TRIML1: variants seen among roughly 807,000 people sequenced by gnomAD.
The protein encoded by TRIML1 is probable E3 ubiquitin-protein ligase TRIML1.
TRIML1 carries 34 observed loss-of-function variants against 32.3 expected under a neutral mutation model. The observed-to-expected ratio is 1.05, with a 90% CI of 0.80 to 1.40. The LOEUF is 1.40. Among genes scored for constraint, TRIML1 ranks in the 40% most tolerant of loss-of-function variants. The pLI is 0.00. For synonymous variants in TRIML1, 244 were observed against 226.6 expected, an observed-to-expected ratio of 1.08 and a Z score of -0.69; for missense variants, 595 against 574.9, an observed-to-expected ratio of 1.03 and a Z score of -0.36.
upstream of TRIML1, among the ~76,000 whole-genome samples, chr4:188,137,439 A>G (rs1734691856): frequency 6.9e-6 from 1 of 145,400 alleles, no homozygotes; most frequent in African/African-American, 2.6e-5. Context: ...AGTAGCTGGG[A>G]TTACAGGCGT....
intron 5 of TRIML1, 63 bp downstream of exon 5, chr4:188,144,196 C>G (rs1444254867): frequency 7.2e-7 from 1 of 1,396,224 alleles, no homozygotes. Context: ...ATACCTTCTT[C>G]CAGTGTCAGA....
intron 5 of TRIML1, among the ~76,000 whole-genome samples, chr4:188,146,420 T>C (rs993561883): frequency 2.6e-5 from 4 of 152,190 alleles, no homozygotes; most frequent in Non-Finnish European, 4.4e-5. Flanking sequence ...CAAATACTGT[T>C]TTTTTCTGAA....
chr4:188,150,705 G>A (rs917172739), downstream of TRIML1, among the ~76,000 whole-genome samples: 3 of 151,474 alleles, frequency 2.0e-5, no homozygotes, highest in African/African-American at 4.9e-5. Context: ...TTTTCCTTTG[G>A]CAAAATCATC....
At chr4:188,145,390 A>C (rs1315026273) in intron 5 of TRIML1, among the ~76,000 whole-genome samples, 2 of 141,956 alleles carry the variant, frequency 1.4e-5, no homozygotes, top group East Asian at 2.4e-4. Context: ...TGCAGTGAGC[A>C]GAGATGGCGC....
intron 5 of TRIML1, among the ~76,000 whole-genome samples, chr4:188,144,463 C>G (rs1053508391): frequency 1.4e-5 from 2 of 147,484 alleles, no homozygotes; most frequent in Non-Finnish European, 3.0e-5. Context: ...CCCGGGTTCA[C>G]GCCATTCTCC....
chr4:188,148,572 C>T (rs986554934), downstream of TRIML1, among the ~76,000 whole-genome samples: 97 of 152,152 alleles, frequency 6.4e-4, 1 homozygote, highest in African/African-American at 2.3e-3. Flanking sequence ...CTGCATTAGG[C>T]TCGCTGTCTT....
In TRIML1 at chr4:188,139,914, G is replaced by T. The variant is rs767847324; in HGVS notation, c.356G>T (p.Ser119Ile). The T allele has an allele frequency of 6.2e-7, 1 of 1,613,746 alleles. No individual in the cohort carries two copies. Among genetic ancestry groups the T allele is most frequent in the Admixed American group, 1.7e-5 (1 of 60,010 alleles). The change falls in exon 1 of 6, where the codon AGC becomes ATC. Residue 119 changes from serine to isoleucine, a missense_variant. Coordinates refer to ENST00000332517, the MANE Select transcript of TRIML1 (RefSeq NM_178556.5). Reference protein sequence around the residue: ...EQGGSAFVAQSHGANRVHLSS... With the variant: ...EQGGSAFVAQIHGANRVHLSS... The stretch of plus-strand genomic sequence containing the variant: ...GGTGGAAGCGCCTTCGTAGCCCAGA[G>T]CCATGGTGCAAACAGAGTGCATCTC...
downstream of TRIML1, among the ~76,000 whole-genome samples, chr4:188,149,454 AT>A (rs1735195264): frequency 1.3e-5 from 2 of 152,024 alleles, no homozygotes; most frequent in South Asian, 4.1e-4. Flanking sequence ...GAAATTAATA[AT>A]TCAACCTGTT....
chr4:188,139,533 C>G lies in TRIML1; in HGVS notation c.-26C>G, dbSNP rs370269484. 5 of 1,547,814 alleles carry G rather than the reference C, an allele frequency of 3.2e-6. No homozygotes were observed. The African/African-American group carries it at 6.8e-5, about 21-fold the overall frequency. On this transcript the variant is annotated 5_prime_UTR_variant, in exon 1 of 6. Transcript: ENST00000332517. ...GCTAATCCCAGAACAGAGGTGTAAC[C>G]TGGCTGCATATCCAGCCTCGAGAAA...
rs776176918 is a variant in TRIML1, at chr4:188,147,093, C to G, written c.1128C>G (p.Phe376Leu). ...GNLPKPPGDL[F>L]SLIGLKIGDD... The stretch of plus-strand genomic sequence containing the variant: ...TCCCCAAGCCACCTGGGGACCTGTT[C>G]TCACTAATAGGTTTAAAAATCGGAG... Residue 376 changes from phenylalanine to leucine, a missense_variant, in exon 6 of 6, where the codon TTC (phenylalanine) becomes TTG (leucine). By Grantham distance (22) the Phe-to-Leu change is conservative (BLOSUM62 0). Transcript: ENST00000332517. The G allele has an allele frequency of 1.2e-6, 2 of 1,614,038 alleles. No homozygotes were observed. Among genetic ancestry groups the G allele is most frequent in the East Asian group, 4.5e-5 (2 of 44,870 alleles).
At chr4:188,140,185 G>C (rs117475119) in intron 1 of TRIML1, among the ~76,000 whole-genome samples, 1 of 151,186 alleles carries the variant, frequency 6.6e-6, no homozygotes, top group Non-Finnish European at 1.5e-5. Context: ...GCAGCAGTGC[G>C]ATCTCAGTCA....
At chr4:188,141,189 A>T (rs1402573665) in intron 2 of TRIML1, among the ~76,000 whole-genome samples, 1 of 98,188 alleles carries the variant, frequency 1.0e-5, no homozygotes, top group African/African-American at 4.4e-5. Flanking sequence ...TTTTTTGGAG[A>T]TGGAGTCTCT....
At chr4:188,137,937 A>G (rs1309445522), upstream of TRIML1, among the ~76,000 whole-genome samples, 2 of 48,814 alleles carry the variant, frequency 4.1e-5, no homozygotes, top group Non-Finnish European at 1.5e-4. Flanking sequence ...TTTTTTTTTA[A>G]GACTCTTACA....
At position 188,142,401 on chromosome 4, in the gene TRIML1, G is replaced by A; in HGVS notation, c.654G>A (p.Leu218=). ...MRKLRNNEIK[L]TQQIRSLSKM... is the part of the protein sequence containing the mutation. ...AGCTGAGGAACAATGAGATCAAACT[G>A]ACCCAGCAAATCAGAAGCCTAAGCA... Residue 218 remains leucine, a synonymous_variant, in exon 3 of 6, where the codon CTG becomes CTA. Transcript: ENST00000332517. 1.2e-6 allele frequency: 2 copies of A among 1,613,790 alleles called. No homozygotes were observed. Among genetic ancestry groups the A allele is most frequent in the Non-Finnish European group, 1.7e-6 (2 of 1,179,986 alleles).
At chr4:188,149,342 G>C (rs1735191253), downstream of TRIML1, among the ~76,000 whole-genome samples, 1 of 152,126 alleles carries the variant, frequency 6.6e-6, no homozygotes, top group African/African-American at 2.4e-5. Context: ...AGGCAAGACA[G>C]TGGATACGAT....
Position 188,140,630 on chromosome 4 carries a change from G to A in TRIML1, c.504+7G>A. On this transcript the variant is annotated splice_region_variant and intron_variant, in intron 2 of 5. Transcript: ENST00000332517. The stretch of plus-strand genomic sequence containing the variant: ...GAGAGTGAAACTGTGCCAGGTCGGT[G>A]TCTGTCTGACTTTTGCTGCTTGTAT... 2 of 1,609,676 alleles carry A rather than the reference G, an allele frequency of 1.2e-6. No homozygotes were observed. The highest frequency in any genetic ancestry group is 2.2e-5 in the South Asian group (2 of 90,978).
intron 4 of TRIML1, 49 bp from the exon 5 acceptor site, chr4:188,143,987 C>G (rs1369234210): frequency 3.1e-6 from 5 of 1,606,092 alleles, no homozygotes; most frequent in Non-Finnish European, 4.3e-6. Flanking sequence ...CCAGCTGGAG[C>G]AGGTCACGCG....
At chr4:188,144,577 T>G (rs1035980045) in intron 5 of TRIML1, among the ~76,000 whole-genome samples, 1 of 148,922 alleles carries the variant, frequency 6.7e-6, no homozygotes, top group African/African-American at 2.4e-5. Flanking sequence ...TTAGCCAGGA[T>G]GGTCTCGATC....
chr4:188,142,214 G>GTGTT, intron 2 of TRIML1, 38 bp from the exon 3 acceptor site: 1 of 256,558 alleles, frequency 3.9e-6, no homozygotes, highest in Non-Finnish European at 5.7e-6. Context: ...TCTCGTGTGT[G>GTGTT]TGTGTGTGTG....
Sources: allele counts gnomAD v4.1 joint callset (sites outside exome capture counted in the v4.1 genomes callset), GRCh38; gene constraint gnomAD v4.1.1; transcripts MANE v1.5; gene names NCBI Gene and HGNC (gene_info 2026-07-23, HGNC 2026-07-21).